The following MYO9B variants were observed in gnomAD, a reference collection of about 807,000 sequenced individuals.
MYO9B encodes the protein myosin IXB.
Under a neutral mutation model 229.5 loss-of-function variants are expected in MYO9B, and 71 were observed. The ratio of observed to expected loss-of-function variants is 0.31; its 90% CI spans 0.26 to 0.38. The LOEUF (loss-of-function observed/expected upper bound fraction) is 0.38, where lower values mean the gene tolerates loss of function less well. Among genes scored for constraint, MYO9B ranks in the 10% least tolerant of loss-of-function variants. The pLI, the probability that MYO9B is intolerant of heterozygous loss-of-function variation, is 1.00. For synonymous variants in MYO9B, 1,185 were observed against 1,235.8 expected, an observed-to-expected ratio of 0.96 and a Z score of 0.86; for missense variants, 2,255 against 2,920.5, an observed-to-expected ratio of 0.77 and a Z score of 5.25.
chr19:17,138,160 C>T (rs1281127442), intron 2 of MYO9B, among the ~76,000 whole-genome samples: 1 of 152,084 alleles, frequency 6.6e-6, no homozygotes, highest in Non-Finnish European at 1.5e-5. Flanking sequence ...GTTTGGTTTT[C>T]TGATCTTGTG....
At chr19:17,181,571 T>G (rs1296221921) in intron 15 of MYO9B, among the ~76,000 whole-genome samples, 1 of 152,186 alleles carries the variant, frequency 6.6e-6, no homozygotes, top group Non-Finnish European at 1.5e-5. Context: ...AATGGGGTAA[T>G]GACTCTCATG....
chr19:17,118,882 A>G (rs1326472922), intron 2 of MYO9B, among the ~76,000 whole-genome samples: 1 of 152,128 alleles, frequency 6.6e-6, no homozygotes, highest in Non-Finnish European at 1.5e-5. Flanking sequence ...ATTGTCCTCC[A>G]AGGAGGATGA....
At chr19:17,083,998 A>G (rs1258401301) in intron 1 of MYO9B, among the ~76,000 whole-genome samples, 1 of 152,008 alleles carries the variant, frequency 6.6e-6, no homozygotes, top group East Asian at 1.9e-4. Context: ...GAGGAGAGAA[A>G]TCAGAGAGGC....
intron 17 of MYO9B, 125 bp from the exon 18 acceptor site, chr19:17,185,796 G>A: frequency 1.4e-6 from 1 of 690,194 alleles, no homozygotes; most frequent in Admixed American, 2.5e-5. Flanking sequence ...CACCACCAGG[G>A]ACCCACATCT....
At chr19:17,202,369 A>AC (rs11392202) in intron 28 of MYO9B, 66 bp downstream of exon 28, 53 of 1,475,126 alleles carry the variant, frequency 3.6e-5, no homozygotes, top group Middle Eastern at 1.9e-4. Context: ...CGCCATCCTT[A>AC]GCCACGCCCA....
intron 1 of MYO9B, among the ~76,000 whole-genome samples, chr19:17,080,462 G>A (rs1435871598): frequency 3.9e-5 from 6 of 151,990 alleles, no homozygotes; most frequent in South Asian, 2.1e-4. Flanking sequence ...TCTTCACATC[G>A]TCCTCCCTCT....
chr19:17,140,290 C>T (rs928965221), intron 2 of MYO9B, among the ~76,000 whole-genome samples: 2 of 152,136 alleles, frequency 1.3e-5, no homozygotes, highest in Non-Finnish European at 2.9e-5. Flanking sequence ...AAGGCTCTGG[C>T]AGATTTGGTG....
intron 3 of MYO9B, among the ~76,000 whole-genome samples, chr19:17,146,979 C>T (rs1047750889): frequency 1.3e-5 from 2 of 152,222 alleles, no homozygotes; most frequent in Non-Finnish European, 2.9e-5. Flanking sequence ...AACCTTCCGC[C>T]TCTAGCTTCA....
At chr19:17,206,825 C>A in intron 34 of MYO9B, 41 bp downstream of exon 34, 2 of 1,483,966 alleles carry the variant, frequency 1.3e-6, no homozygotes, top group Non-Finnish European at 9.2e-7. Flanking sequence ...GTTAGGGTCG[C>A]ATTGGGAACC....
chr19:17,115,740 G>C (rs1025162922), intron 2 of MYO9B, among the ~76,000 whole-genome samples: 2 of 151,848 alleles, frequency 1.3e-5, no homozygotes, highest in Admixed American at 6.6e-5. Context: ...AAAGTGCTGG[G>C]ATTACAGGTG....
chr19:17,169,138 G>A (rs1480060005), intron 11 of MYO9B, among the ~76,000 whole-genome samples: 1 of 151,992 alleles, frequency 6.6e-6, no homozygotes, highest in Non-Finnish European at 1.5e-5. Flanking sequence ...TTGGGAGGCC[G>A]AGGCAGGCGG....
In MYO9B at chr19:17,191,130, A is replaced by C. The variant is rs780081860; in HGVS notation, c.2722A>C (p.Lys908Gln). Residue 908 changes from lysine to glutamine, a missense_variant, in exon 20 of 40, where the codon AAG becomes CAG. Physicochemically the swap from Lys to Gln is moderately conservative, Grantham distance 53 (BLOSUM62 1). Around this residue, in one of 7 missense-constraint regions of MYO9B, gnomAD observed 679 missense variants for 770.2 expected, o/e 0.88. Coordinates refer to ENST00000682292, the MANE Select transcript of MYO9B (RefSeq NM_004145.4). ...FTEQFQVLLP[K>Q]DAQPCREVIS... is the part of the protein sequence containing the mutation. The stretch of plus-strand genomic sequence containing the variant: ...CGAGCAGTTCCAGGTGCTCCTGCCC[A>C]AGGATGCCCAGCCCTGCAGGGAGGT... 2.3e-5 allele frequency: 37 copies of C among 1,612,802 alleles called. No homozygotes were observed. Among genetic ancestry groups the C allele is most frequent in the Non-Finnish European group, 2.8e-5 (33 of 1,179,356 alleles).
intron 2 of MYO9B, among the ~76,000 whole-genome samples, chr19:17,110,950 T>C (rs2057842145): frequency 6.6e-6 from 1 of 151,958 alleles, no homozygotes; most frequent in East Asian, 1.9e-4. Flanking sequence ...ACAAACCCAG[T>C]CTCATGTTTC....
At chr19:17,114,829 T>C (rs185838270) in intron 2 of MYO9B, among the ~76,000 whole-genome samples, 7 of 151,710 alleles carry the variant, frequency 4.6e-5, no homozygotes, top group Admixed American at 4.6e-4. Context: ...CAAGAACCAC[T>C]GCCGGGAAAC....
In MYO9B at chr19:17,118,365, G is replaced by T. The variant is rs796140754; in HGVS notation, c.840+15808G>T. ...GCCTGTAATCCCGGCACTTTGGCAG[G>T]CTGAGGCAGGAGGATAGCTTGAGCA... is the stretch of plus-strand genomic sequence containing the variant. On this transcript the variant is annotated intron_variant, in intron 2 of 39. Transcript: ENST00000682292. Among the ~76,000 whole-genome samples the T allele has an allele frequency of 6.5e-4, 99 of 152,116 alleles. 1 individual carries two copies. Among genetic ancestry groups the T allele is most frequent in the African/African-American group, 2.3e-3 (95 of 41,506 alleles).
At chr19:17,210,882 T>G (rs2073220075) in intron 38 of MYO9B, 34 bp downstream of exon 38, 1 of 1,572,224 alleles carries the variant, frequency 6.4e-7, no homozygotes, top group Non-Finnish European at 8.6e-7. Flanking sequence ...CAGTCCTTCA[T>G]GTTTAGGGCA....
chr19:17,137,317 G>C (rs1599360139), intron 2 of MYO9B, among the ~76,000 whole-genome samples: 1 of 151,910 alleles, frequency 6.6e-6, no homozygotes, highest in Non-Finnish European at 1.5e-5. Flanking sequence ...CTGAGCCTGG[G>C]GGTTGAGGTT....
At chr19:17,171,705 C>T (rs1020956731) in intron 11 of MYO9B, among the ~76,000 whole-genome samples, 1 of 152,124 alleles carries the variant, frequency 6.6e-6, no homozygotes, top group East Asian at 1.9e-4. Flanking sequence ...TAATCCTAGT[C>T]GTTTGGGAGG....
chr19:17,084,822 T>A (rs1277555007), intron 1 of MYO9B, among the ~76,000 whole-genome samples: 1 of 151,892 alleles, frequency 6.6e-6, no homozygotes, highest in Non-Finnish European at 1.5e-5. Flanking sequence ...AAACAATCGC[T>A]TGAACCCGGG....
Sources: allele counts gnomAD v4.1 joint callset (sites outside exome capture counted in the v4.1 genomes callset), GRCh38; gene constraint gnomAD v4.1.1; regional missense constraint gnomAD v4.1.1; transcripts MANE v1.5; gene names NCBI Gene and HGNC (gene_info 2026-07-23, HGNC 2026-07-21).